TTC8: variants seen among roughly 807,000 people sequenced by gnomAD.
The protein encoded by TTC8 is tetratricopeptide repeat domain 8.
In TTC8, 47 loss-of-function variants were observed where a neutral mutation model predicts 72.5. That is an observed-to-expected ratio of 0.65 (90% confidence interval 0.51 to 0.83). The LOEUF is 0.83. TTC8 is among the 40% of genes least tolerant of loss of function. TTC8 has a pLI of 0.00. For synonymous variants in TTC8, 199 were observed against 221.4 expected (o/e 0.90, Z 0.90); for missense variants, 611 against 623.2 (o/e 0.98, Z 0.21).
chr14:88,874,204 T>C (rs1056233137), intron 13 of TTC8, among the ~76,000 whole-genome samples: 1 of 152,230 alleles, frequency 6.6e-6, no homozygotes, highest in Non-Finnish European at 1.5e-5. Flanking sequence ...AATATGAACT[T>C]CATTTTATTA....
rs2094927259 is a variant in TTC8 at position 88,870,044 on chromosome 14, C to A, written c.910-15C>A. 1.9e-6 allele frequency: 3 copies of A among 1,613,422 alleles called. No homozygotes were observed. The African/African-American group carries it at 4.0e-5, about 22-fold the overall frequency. On this transcript the variant is annotated splice_polypyrimidine_tract_variant and intron_variant, in intron 10 of 14. Coordinates refer to ENST00000380656, the MANE Select transcript of TTC8 (RefSeq NM_144596.4). ...TATTAATAAAATATTGCTCTTCTCT[C>A]TTGATGGAGAATAGGAAATGAACAA...
Position 88,875,034 on chromosome 14 carries a change from A to G in TTC8, c.1356A>G (p.Ala452=), listed in dbSNP as rs2141044281. The G allele has an allele frequency of 6.2e-7, 1 of 1,612,064 alleles. No homozygotes were observed. Among genetic ancestry groups the G allele is most frequent in the East Asian group, 2.2e-5 (1 of 44,726 alleles). ...TTTATTTTTATACACAGGCAAGGGCACTATTACAAACTGCATCATCATTAG... is the reference window on the plus strand; with the variant it reads ...TTTATTTTTATACACAGGCAAGGGCGCTATTACAAACTGCATCATCATTAG... ...MRKGHVEQAR[A]LLQTASSLAP... is the part of the protein sequence containing the mutation. Residue 452 remains alanine, a synonymous_variant, in exon 14 of 15, where the codon GCA becomes GCG. Transcript: ENST00000380656.
chr14:88,840,261 TA>T (rs968412030), intron 3 of TTC8: 64 of 152,802 alleles, frequency 4.2e-4, no homozygotes, highest in South Asian at 7.9e-4. Flanking sequence ...TGACTAGCCT[TA>T]AAAAAAAAAT....
At position 88,875,112 on chromosome 14, in the gene TTC8, A is replaced by G. The variant is rs2094951653; in HGVS notation, c.1431+3A>G. 4 of 1,604,336 alleles carry G rather than the reference A, an allele frequency of 2.5e-6. No homozygotes were observed. The highest frequency in any genetic ancestry group is 3.4e-6 in the Non-Finnish European group (4 of 1,172,326). On this transcript the variant is annotated splice_donor_region_variant and intron_variant, in intron 14 of 14. Coordinates refer to ENST00000380656, the MANE Select transcript of TTC8 (RefSeq NM_144596.4). ...ATTTTGCAACAATCTCTGATAAGGT[A>G]TTCTCTTTCTTCATTAATTTATCAT...
At chr14:88,852,890 A>T in intron 7 of TTC8, 81 bp from the exon 8 acceptor site, 1 of 1,167,256 alleles carries the variant, frequency 8.6e-7, no homozygotes. Context: ...TGCTAATTAT[A>T]TGGTCTATTT....
At chr14:88,839,343 A>G in intron 2 of TTC8, 109 bp from the exon 3 acceptor site, 1 of 1,137,944 alleles carries the variant, frequency 8.8e-7, no homozygotes, top group Non-Finnish European at 1.3e-6. Context: ...AGAGGTAAAC[A>G]TGTTTAATAT....
chr14:88,832,243 C>T (rs911653841), intron 1 of TTC8, among the ~76,000 whole-genome samples: 4 of 152,218 alleles, frequency 2.6e-5, no homozygotes, highest in African/African-American at 2.4e-5. Context: ...CAGAAATCCT[C>T]TGAGGCTGAG....
downstream of TTC8, chr14:88,878,405 T>A (rs1361906102): frequency 6.6e-6 from 1 of 152,250 alleles, no homozygotes; most frequent in African/African-American, 2.4e-5. Context: ...TATTTTTCAT[T>A]TTTTTAACTT....
At chr14:88,835,416 A>G (rs555857885) in intron 2 of TTC8, among the ~76,000 whole-genome samples, 70 of 152,306 alleles carry the variant, frequency 4.6e-4, no homozygotes, top group African/African-American at 1.6e-3. Flanking sequence ...GTAATGTCCT[A>G]TAGACTAACT....
intron 4 of TTC8, 38 bp from the exon 5 acceptor site, chr14:88,840,996 AATG>A: frequency 1.9e-6 from 3 of 1,614,028 alleles, no homozygotes; most frequent in Non-Finnish European, 2.5e-6. Flanking sequence ...TCTTTCCTCA[AATG>A]ATCTTCTTTG....
At chr14:88,846,663 C>A (rs1316205377) in intron 7 of TTC8, 2 of 1,446,342 alleles carry the variant, frequency 1.4e-6, no homozygotes, top group Non-Finnish European at 1.9e-6. Flanking sequence ...ATAAAAATCA[C>A]ATTGAAAAAA....
At chr14:88,855,821 C>A (rs1209577507) in intron 8 of TTC8, among the ~76,000 whole-genome samples, 2 of 152,140 alleles carry the variant, frequency 1.3e-5, no homozygotes, top group East Asian at 3.9e-4. Flanking sequence ...TGGCTCATGC[C>A]TGTAATCCCA....
chr14:88,873,125 C>T (rs558553025), intron 13 of TTC8, among the ~76,000 whole-genome samples: 97 of 152,296 alleles, frequency 6.4e-4, no homozygotes, highest in African/African-American at 2.3e-3. Flanking sequence ...GACTTGAAAC[C>T]GTGACTATGG....
In TTC8 at chr14:88,857,682, A is replaced by G. The variant is rs190338479; in HGVS notation, c.798+405A>G. Among the ~76,000 whole-genome samples the G allele has an allele frequency of 2.2e-3, 332 of 152,256 alleles. 5 individuals carry two copies. Among genetic ancestry groups the G allele is most frequent in the Non-Finnish European group, 9.6e-4 (65 of 68,012 alleles). Reference sequence around the variant, plus strand: ...GCTGAGGCATAATAATAAAAATAATACTTCACCTTTATTGATCACCTACTC... The same window carrying G: ...GCTGAGGCATAATAATAAAAATAATGCTTCACCTTTATTGATCACCTACTC... On this transcript the variant is annotated intron_variant, in intron 9 of 14. Coordinates refer to ENST00000380656, the MANE Select transcript of TTC8 (RefSeq NM_144596.4).
chr14:88,824,446 G>T (rs898792088), upstream of TTC8: 5 of 490,034 alleles, frequency 1.0e-5, no homozygotes, highest in Admixed American at 7.1e-5. Flanking sequence ...TTGTTTAGCC[G>T]CGGTGCCTTC....
intron 8 of TTC8, among the ~76,000 whole-genome samples, chr14:88,854,828 T>G (rs1241200343): frequency 6.6e-6 from 1 of 152,106 alleles, no homozygotes; most frequent in Non-Finnish European, 1.5e-5. Context: ...TACAGGCACA[T>G]GCCACCATGC....
chr14:88,833,976 A>G (rs1172443393), intron 2 of TTC8: 5 of 521,324 alleles, frequency 9.6e-6, no homozygotes, highest in African/African-American at 1.9e-5. Context: ...GGAAATGACC[A>G]AGATGGATTA....
chr14:88,868,043 G>A (rs1296767215), intron 10 of TTC8, among the ~76,000 whole-genome samples: 3 of 152,114 alleles, frequency 2.0e-5, no homozygotes, highest in African/African-American at 4.8e-5. Context: ...ACAAGATTTC[G>A]ACAAATAGAG....
intron 1 of TTC8, chr14:88,830,933 A>G: frequency 2.2e-6 from 1 of 455,930 alleles, no homozygotes; most frequent in Non-Finnish European, 4.4e-6. Context: ...TCCACATCCT[A>G]CGGTAGTCTG....
Sources: allele counts gnomAD v4.1 joint callset (sites outside exome capture counted in the v4.1 genomes callset), GRCh38; gene constraint gnomAD v4.1.1; transcripts MANE v1.5; gene names NCBI Gene and HGNC (gene_info 2026-07-23, HGNC 2026-07-21).